RGPD3: variants seen among roughly 807,000 people sequenced by gnomAD.
The protein encoded by RGPD3 is ranBP2-like and GRIP domain-containing protein 3.
A neutral mutation model predicts 154.5 loss-of-function variants in RGPD3; 62 were observed. The ratio of observed to expected loss-of-function variants is 0.40; its 90% confidence interval spans 0.33 to 0.50. The LOEUF (loss-of-function observed/expected upper bound fraction) is 0.50. Ranked by LOEUF, RGPD3 falls within the 20% of genes least tolerant of loss-of-function variation. The probability of loss-of-function intolerance (pLI) is 0.59; values close to 1 mark genes in which losing one functional copy is unlikely to be tolerated. For synonymous variants in RGPD3, 308 were observed against 607.0 expected (o/e 0.51, Z 7.24); for missense variants, 919 against 1,716.8 (o/e 0.54, Z 8.21).
chr2:106,423,890 A>T lies in RGPD3; in HGVS notation c.4077T>A (p.Ser1359Arg), dbSNP rs747685410. 1.4e-5 allele frequency: 22 copies of T among 1,611,766 alleles called. No individual in the cohort carries two copies. In the African/African-American group the frequency reaches 2.4e-4, roughly 18 times the overall value. The change falls in exon 20 of 23, where the codon AGT (serine) becomes AGA (arginine). Residue 1359 changes from serine (S) to arginine (R), a missense_variant. Coordinates refer to ENST00000409886, the MANE Select transcript of RGPD3 (RefSeq NM_001144013.2). Reference protein sequence around the residue: ...SGEENEQVVFSHRAEFYRYDK... With the variant: ...SGEENEQVVFRHRAEFYRYDK... ...CATATCTGTAGAATTCTGCCCTGTG[A>T]CTAAAAACAACTTGTTCATTTTCCT...
intron 7 of RGPD3, among the ~76,000 whole-genome samples, chr2:106,443,728 A>AGGCTGCAGTGCTGCAG (rs1677832209): frequency 9.6e-6 from 1 of 104,312 alleles, no homozygotes; most frequent in African/African-American, 3.9e-5. Flanking sequence ...CTCTGTTGCC[A>AGGCTGCAGTGCTGCAG]GGCTGCAGTG....
At chr2:106,429,012 G>A (rs1677285395) in intron 18 of RGPD3, among the ~76,000 whole-genome samples, 1 of 151,572 alleles carries the variant, frequency 6.6e-6, no homozygotes, top group African/African-American at 2.4e-5. Flanking sequence ...AACACTATTA[G>A]TAACCTTAGT....
At chr2:106,442,492 C>T (rs1245089828) in intron 7 of RGPD3, among the ~76,000 whole-genome samples, 3 of 73,966 alleles carry the variant, frequency 4.1e-5, no homozygotes, top group East Asian at 1.2e-3. Flanking sequence ...AATGCAATAA[C>T]CTATGAAAAA....
intron 20 of RGPD3, among the ~76,000 whole-genome samples, chr2:106,421,738 C>A (rs564628241): frequency 3.9e-5 from 6 of 152,030 alleles, no homozygotes; most frequent in African/African-American, 1.2e-4. Flanking sequence ...CTCTTCCATA[C>A]TGTATACATG....
intron 9 of RGPD3, among the ~76,000 whole-genome samples, chr2:106,438,322 C>G (rs1045564025): frequency 5.3e-5 from 8 of 149,826 alleles, no homozygotes; most frequent in Admixed American, 4.0e-4. Flanking sequence ...CTGTCTCTAC[C>G]AATTAAAAAA....
At position 106,424,616 on chromosome 2, in the gene RGPD3, T is replaced by C. The variant is rs759747010; in HGVS notation, c.3351A>G (p.Thr1117=). 6 of 1,611,872 alleles carry C rather than the reference T, an allele frequency of 3.7e-6. No homozygotes were observed. The highest frequency in any genetic ancestry group is 2.2e-5 in the East Asian group (1 of 44,844). Residue 1117 remains threonine, a synonymous_variant, in exon 20 of 23, where the codon ACA becomes ACG. Coordinates refer to ENST00000409886, the MANE Select transcript of RGPD3 (RefSeq NM_001144013.2). The part of the protein sequence containing the change: ...KVCANHWITT[T]MNLKPLSGSD... ...ATCCAGAGAGGGGCTTCAGGTTCAT[T>C]GTAGTCGTTATCCAATGATTAGCAC...
chr2:106,404,300 C>T lies in RGPD3; in HGVS notation c.*919G>A, dbSNP rs1274067891. On this transcript the variant is annotated 3_prime_UTR_variant, in exon 23 of 23. Coordinates refer to ENST00000409886, the MANE Select transcript of RGPD3 (RefSeq NM_001144013.2). ...ACACCCTATCAAGAGCCTGGAAAGA[C>T]ACCATGAAATCACCTCAACTCAAGT... is the stretch of plus-strand genomic sequence containing the variant. Among the ~76,000 whole-genome samples the T allele has an allele frequency of 1.9e-4, 29 of 149,918 alleles. 2 individuals carry two copies. The highest frequency in any genetic ancestry group is 7.2e-4 in the African/African-American group (29 of 40,212).
In RGPD3 at chr2:106,465,462, T is replaced by C. The variant is rs971656561; in HGVS notation, c.72+2755A>G. Reference sequence around the variant, plus strand: ...CACTTTATTTAATGGAGAAGTTATGTAGTTGAAAGAACATTCTAACTTCTG... The same window carrying C: ...CACTTTATTTAATGGAGAAGTTATGCAGTTGAAAGAACATTCTAACTTCTG... On this transcript the variant is annotated intron_variant, in intron 1 of 22. Coordinates refer to ENST00000409886, the MANE Select transcript of RGPD3 (RefSeq NM_001144013.2). 2.2e-3 allele frequency among the ~76,000 whole-genome samples: 332 copies of C among 152,156 alleles called. 1 individual carries two copies. Among genetic ancestry groups the C allele is most frequent in the African/African-American group, 7.8e-3 (323 of 41,494 alleles).
At chr2:106,446,801 G>C (rs1325597549) in intron 7 of RGPD3, among the ~76,000 whole-genome samples, 1 of 151,740 alleles carries the variant, frequency 6.6e-6, no homozygotes, top group South Asian at 2.1e-4. Context: ...AGAATCACTT[G>C]AACCCAGGAG....
At chr2:106,468,643 T>C (rs565184704), upstream of RGPD3, among the ~76,000 whole-genome samples, 70 of 151,884 alleles carry the variant, frequency 4.6e-4, no homozygotes, top group Non-Finnish European at 8.7e-4. Flanking sequence ...CCATCTCTAC[T>C]AAAAATACAA....
chr2:106,441,863 C>G (rs1218163383), intron 7 of RGPD3, among the ~76,000 whole-genome samples: 1 of 13,626 alleles, frequency 7.3e-5, no homozygotes, highest in Non-Finnish European at 1.2e-4. Flanking sequence ...GACTCCATCG[C>G]AAAAAAAAAA....
chr2:106,424,159 C>T lies in RGPD3; in HGVS notation c.3808G>A (p.Ala1270Thr). The T allele has an allele frequency of 1.2e-6, 2 of 1,611,000 alleles. No individual in the cohort carries two copies. The highest frequency in any genetic ancestry group is 1.7e-6 in the Non-Finnish European group (2 of 1,179,774). Residue 1270 changes from alanine to threonine, a missense_variant, in exon 20 of 23, where the codon GCT becomes ACT. Physicochemically the swap from Ala to Thr is moderately conservative, Grantham distance 58. Coordinates refer to ENST00000409886, the MANE Select transcript of RGPD3 (RefSeq NM_001144013.2). ...DDSVSSSSVHASPLASSPVRK... is the reference protein window; with the variant it reads ...DDSVSSSSVHTSPLASSPVRK... ...ACAGGGCTACTTGCCAATGGAGAAGCATGTACTGAGCTACTACTGACACTA... is the reference window on the plus strand; with the variant it reads ...ACAGGGCTACTTGCCAATGGAGAAGTATGTACTGAGCTACTACTGACACTA...
At position 106,424,204 on chromosome 2, in the gene RGPD3, T is replaced by G. The variant is rs775367447; in HGVS notation, c.3763A>C (p.Arg1255=). The G allele has an allele frequency of 6.2e-7, 1 of 1,611,984 alleles. No individual in the cohort carries two copies. The highest frequency in any genetic ancestry group is 8.5e-7 in the Non-Finnish European group (1 of 1,179,880). Residue 1255 remains arginine (R), a synonymous_variant, in exon 20 of 23, where the codon AGG becomes CGG. Transcript: ENST00000409886. ...PTLEWDNYDL[R]EDALDDSVSS... ...ACACTATCATCCAAAGCATCTTCCC[T>G]TAAATCATAGTTATCCCATTCTAAT...
At chr2:106,448,184 T>G (rs1282734774) in intron 6 of RGPD3, among the ~76,000 whole-genome samples, 1 of 151,470 alleles carries the variant, frequency 6.6e-6, no homozygotes, top group Non-Finnish European at 1.5e-5. Flanking sequence ...CTAAGCTCAC[T>G]GCAACCTCCA....
In RGPD3 at chr2:106,459,443, T is replaced by C. The variant is rs1678341934; in HGVS notation, c.73-111A>G. ...TTATGTTCAAATATGCCATTTTCAT[T>C]CACTTAAAAGTTTTTTTTAAAGCCT... On this transcript the variant is annotated intron_variant, in intron 1 of 22. Transcript: ENST00000409886. 9 of 515,630 alleles carry C rather than the reference T, an allele frequency of 1.7e-5. No homozygotes were observed. In the Admixed American group the frequency reaches 3.1e-4, roughly 18 times the overall value. The allele number at this position is 515,630 out of a possible 1,614,324, so 31.9% of individuals were successfully genotyped here.
chr2:106,460,310 G>A (rs1384435070), intron 1 of RGPD3, among the ~76,000 whole-genome samples: 2 of 151,414 alleles, frequency 1.3e-5, no homozygotes, highest in Admixed American at 1.3e-4. Flanking sequence ...AGGTATTCCA[G>A]AAATCTCTTC....
chr2:106,413,221 A>T lies in RGPD3; in HGVS notation c.5129T>A (p.Val1710Glu). The change falls in exon 22 of 23, where the codon GTG (valine) becomes GAG (glutamate). Residue 1710 changes from valine to glutamate, a missense_variant. By Grantham distance (121) the Val-to-Glu change is moderately radical. Transcript: ENST00000409886. ...CAGCAAGACGTTCTTCAAGTGTTCC[A>T]CGTTAGCTGCAGACACCTCTTGCTC... Reference protein sequence around the residue: ...NQEQEVSAANVEHLKNVLLQF... With the variant: ...NQEQEVSAANEEHLKNVLLQF... 2.5e-6 allele frequency: 4 copies of T among 1,611,980 alleles called. No individual in the cohort carries two copies. The highest frequency in any genetic ancestry group is 3.4e-6 in the Non-Finnish European group (4 of 1,179,860).
intron 7 of RGPD3, among the ~76,000 whole-genome samples, chr2:106,441,673 G>T (rs960432840): frequency 2.7e-5 from 4 of 149,430 alleles, no homozygotes; most frequent in African/African-American, 9.9e-5. Flanking sequence ...TGGCCAACAT[G>T]GTGAAACACA....
At position 106,468,231 on chromosome 2, in the gene RGPD3, G is replaced by C. The variant is rs771715057; in HGVS notation, c.58C>G (p.Pro20Ala). ...RYVASVQGSA[P>A]SPRKKSTRGF... ...GACCCACTCACCTTTCGAGGCGACG[G>C]GGCGGAGCCCTGCACCGAGGCGACG... Residue 20 changes from proline (P) to alanine (A), a missense_variant, in exon 1 of 23, where the codon CCG becomes GCG. Transcript: ENST00000409886. 91 of 1,606,674 alleles carry C rather than the reference G, an allele frequency of 5.7e-5. No individual in the cohort carries two copies. The highest frequency in any genetic ancestry group is 7.6e-5 in the Non-Finnish European group (90 of 1,177,788).
Sources: gnomAD v4.1 joint callset for allele counts (sites outside exome capture counted in the v4.1 genomes callset) on GRCh38, gnomAD v4.1.1 for gene constraint, MANE v1.5 for transcripts, NCBI Gene and HGNC (gene_info 2026-07-23, HGNC 2026-07-21) for gene names.